C11orf65: variants seen among roughly 807,000 people sequenced by gnomAD.
The protein encoded by C11orf65 is protein MFI.
A neutral mutation model predicts 35.3 loss-of-function variants in C11orf65; 38 were observed. The ratio of observed to expected loss-of-function variants is 1.08; its 90% CI spans 0.83 to 1.41. The LOEUF (loss-of-function observed/expected upper bound fraction) is 1.41, where lower values mean the gene tolerates loss of function less well. C11orf65 is among the 40% of genes most tolerant of loss of function. C11orf65 has a pLI of 0.00. For synonymous variants in C11orf65, 105 were observed against 114.4 expected (o/e 0.92, Z 0.53); for missense variants, 370 against 367.1 (o/e 1.01, Z -0.06).
chr11:108,420,343 G>C (rs890395279), intron 3 of C11orf65, among the ~76,000 whole-genome samples: 1 of 152,198 alleles, frequency 6.6e-6, no homozygotes, highest in African/African-American at 2.4e-5. Flanking sequence ...AGAAAGGGGA[G>C]GGAAGAAGAA....
chr11:108,368,712 G>A lies in C11orf65; in HGVS notation c.226+24496C>T, dbSNP rs181377742. The stretch of plus-strand genomic sequence containing the variant: ...TAGACTGCTTGAACAGTTGTGTCCA[G>A]ATTAAGGGAGATAATAGCTTTCCCA... On this transcript the variant is annotated intron_variant, in intron 2 of 3. Transcript: ENST00000524755. The A allele has an allele frequency of 1.5e-4, 33 of 215,274 alleles. No individual in the cohort carries two copies. In the East Asian group the frequency reaches 2.3e-3, roughly 15 times the overall value. 13.3% of individuals were successfully genotyped at this position (215,274 alleles called of 1,614,324 possible).
At chr11:108,325,984 T>C in intron 6 of C11orf65, 1 of 1,304,790 alleles carries the variant, frequency 7.7e-7, no homozygotes, top group Non-Finnish European at 1.1e-6. Flanking sequence ...GTTGCTGCTT[T>C]CATTATTATT....
chr11:108,335,916 A>G lies in C11orf65; in HGVS notation c.227-624T>C. 3 of 1,614,036 alleles carry G rather than the reference A, an allele frequency of 1.9e-6. No homozygotes were observed. The highest frequency in any genetic ancestry group is 2.5e-6 in the Non-Finnish European group (3 of 1,179,924). On this transcript the variant is annotated intron_variant, in intron 2 of 3. Coordinates refer to the C11orf65 transcript ENST00000524755. The stretch of plus-strand genomic sequence containing the variant: ...AGATGTGTAATACATTACTGCAGAG[A>G]AACACGGAAACTAGGAAGAGGAAAT...
At chr11:108,430,179 A>T (rs1454126729) in intron 3 of C11orf65, among the ~76,000 whole-genome samples, 1 of 135,374 alleles carries the variant, frequency 7.4e-6, no homozygotes, top group East Asian at 2.1e-4. Flanking sequence ...CCCAGGCTGG[A>T]GTGCAGTGGT....
chr11:108,327,764 A>AT, downstream of C11orf65: 1 of 1,603,016 alleles, frequency 6.2e-7, no homozygotes, highest in Non-Finnish European at 8.5e-7. Context: ...AAAAGGTAAG[A>AT]TTTTTGGAGC....
At position 108,343,208 on chromosome 11, in the gene C11orf65, A is replaced by T. The variant is rs114320959; in HGVS notation, c.227-7916T>A. 3.3e-4 allele frequency: 537 copies of T among 1,613,914 alleles called. 4 individuals are homozygous for T. In the African/African-American group the frequency reaches 6.5e-3, roughly 19 times the overall value. ...GCCTTTTAAAATTAAAAGGTATTTAATCTGTAACTCCAGGTGGTTCCCCTC... is the reference window on the plus strand; with the variant it reads ...GCCTTTTAAAATTAAAAGGTATTTATTCTGTAACTCCAGGTGGTTCCCCTC... On this transcript the variant is annotated intron_variant, in intron 2 of 3. Transcript: ENST00000524755.
downstream of C11orf65, chr11:108,330,161 A>G (rs1236741695): frequency 6.4e-7 from 1 of 1,559,308 alleles, no homozygotes; most frequent in Non-Finnish European, 8.8e-7. Flanking sequence ...GTGATTTTGT[A>G]GTTCTGTTAA....
intron 3 of C11orf65, among the ~76,000 whole-genome samples, chr11:108,408,343 C>G (rs1052174467): frequency 1.3e-5 from 2 of 151,900 alleles, no homozygotes; most frequent in African/African-American, 4.8e-5. Context: ...AGTAGATGAC[C>G]TTTCCTAATT....
rs1034704420 is a variant in C11orf65 at position 108,377,441 on chromosome 11, T to C, written c.226+15767A>G. 5.9e-5 allele frequency among the ~76,000 whole-genome samples: 9 copies of C among 152,246 alleles called. No individual in the cohort carries two copies. In the South Asian group the frequency reaches 1.7e-3, roughly 28 times the overall value. The stretch of plus-strand genomic sequence containing the variant: ...GACAAAATTCAACAACCCTTCATGC[T>C]AAAAACTCTCAATAAATTAGGTATT... On this transcript the variant is annotated intron_variant, in intron 2 of 3. Transcript: ENST00000524755.
At chr11:108,392,514 TG>T (rs1415433844) in intron 7 of C11orf65, among the ~76,000 whole-genome samples, 1 of 152,196 alleles carries the variant, frequency 6.6e-6, no homozygotes, top group Non-Finnish European at 1.5e-5. Flanking sequence ...CCCCTTCTCT[TG>T]GGTATATATC....
In C11orf65 at chr11:108,353,785, C is replaced by CA. The variant is rs1555142816; in HGVS notation, c.227-18494dup. The CA allele has an allele frequency of 1.2e-6, 2 of 1,613,916 alleles. No individual in the cohort carries two copies. The highest frequency in any genetic ancestry group is 1.7e-6 in the Non-Finnish European group (2 of 1,179,846). ...CTTTAGGTGTTGCTTTTGAACAGGG[C>CA]AAAATCCTTCCTACTCCTGAGACAG... On this transcript the variant is annotated intron_variant, in intron 2 of 3. Coordinates refer to the C11orf65 transcript ENST00000524755.
intron 2 of C11orf65, among the ~76,000 whole-genome samples, chr11:108,454,985 G>C (rs923141284): frequency 2.6e-5 from 4 of 151,976 alleles, no homozygotes; most frequent in Non-Finnish European, 5.9e-5. Flanking sequence ...GATCTTTCTT[G>C]TTTTGTGATG....
intron 2 of C11orf65, among the ~76,000 whole-genome samples, chr11:108,362,530 C>T (rs1360659623): frequency 6.7e-6 from 1 of 149,456 alleles, no homozygotes; most frequent in African/African-American, 2.5e-5. Flanking sequence ...TTCACAATAG[C>T]AAAGACTTGG....
chr11:108,339,030 A>C (rs2087174214), intron 2 of C11orf65, among the ~76,000 whole-genome samples: 1 of 152,204 alleles, frequency 6.6e-6, no homozygotes, highest in African/African-American at 2.4e-5. Context: ...GTCATTGTGC[A>C]ACCTCAAAAG....
downstream of C11orf65, chr11:108,331,123 AG>A: frequency 9.6e-7 from 1 of 1,044,072 alleles, no homozygotes; most frequent in African/African-American, 1.7e-5. Context: ...CTGACTTCTC[AG>A]GAATCAAGAT....
upstream of C11orf65, among the ~76,000 whole-genome samples, chr11:108,468,440 T>A (rs980493630): frequency 2.0e-5 from 3 of 152,214 alleles, no homozygotes; most frequent in Non-Finnish European, 4.4e-5. Flanking sequence ...ATTATTGCAA[T>A]GTGAAAAAAT....
rs201271800 is a variant in C11orf65, at chr11:108,451,629, TTTC to T, written c.81+9847_81+9849del. Among the ~76,000 whole-genome samples, 862 of 152,200 alleles carry T rather than the reference TTTC, an allele frequency of 5.7e-3. 35 individuals are homozygous for T. In the East Asian group the frequency reaches 0.098, roughly 17 times the overall value. On this transcript the variant is annotated intron_variant, in intron 2 of 8. Coordinates refer to ENST00000393084, the MANE Select transcript of C11orf65 (RefSeq NM_152587.5). ...CCATCCCCATCAAGCTACCAATGAC[TTTC>T]TTCACAGAATTGGAAAAGACTACTT... is the stretch of plus-strand genomic sequence containing the variant.
At chr11:108,405,328 C>A in intron 6 of C11orf65, 101 bp downstream of exon 6, 2 of 1,215,256 alleles carry the variant, frequency 1.6e-6, no homozygotes, top group Non-Finnish European at 2.3e-6. Context: ...GGGCAGACCC[C>A]CTGCAGCTAA....
At position 108,351,462 on chromosome 11, in the gene C11orf65, C is replaced by T. The variant is rs573465265; in HGVS notation, c.227-16170G>A. Among the ~76,000 whole-genome samples the T allele has an allele frequency of 5.9e-5, 9 of 152,342 alleles. No individual in the cohort carries two copies. In the South Asian group the frequency reaches 1.7e-3, roughly 28 times the overall value. ...AAAATCACAATTTATTTATTATTATCTCTCATAGTCTGTTGACTGGGCTCA... is the reference window on the plus strand; with the variant it reads ...AAAATCACAATTTATTTATTATTATTTCTCATAGTCTGTTGACTGGGCTCA... On this transcript the variant is annotated intron_variant, in intron 2 of 3. Transcript: ENST00000524755.
Sources: gnomAD v4.1 joint callset for allele counts (sites outside exome capture counted in the v4.1 genomes callset) on GRCh38, gnomAD v4.1.1 for gene constraint, MANE v1.5 for transcripts, NCBI Gene and HGNC (gene_info 2026-07-23, HGNC 2026-07-21) for gene names.